Variants in FOCAD observed in about 807,000 individuals in gnomAD.
FOCAD encodes KIAA1797.
FOCAD carries 198 observed loss-of-function variants against 225.6 expected under a neutral mutation model. That is an observed-to-expected ratio of 0.88 (90% CI 0.78 to 0.99). FOCAD has a LOEUF of 0.99. FOCAD is among the 50% of genes least tolerant of loss of function. The pLI is 0.00. For missense variants in FOCAD, 2,713 were observed against 2,123.6 expected (o/e 1.28, Z -5.46); for synonymous variants, 897 against 755.0 (o/e 1.19, Z -3.08).
intron 2 of FOCAD, among the ~76,000 whole-genome samples, chr9:20,716,679 A>T (rs1825362558): frequency 6.6e-6 from 1 of 152,044 alleles, no homozygotes; most frequent in South Asian, 2.1e-4. Context: ...TTCTGTAACC[A>T]CTGCTCGATG....
At chr9:20,924,671 C>G (rs1834775170) in intron 25 of FOCAD, among the ~76,000 whole-genome samples, 1 of 151,376 alleles carries the variant, frequency 6.6e-6, no homozygotes, top group African/African-American at 2.4e-5. Context: ...TGGTGGTACA[C>G]TAAAAAAATC....
chr9:20,894,996 T>G (rs1327375388), intron 21 of FOCAD, among the ~76,000 whole-genome samples: 1 of 152,060 alleles, frequency 6.6e-6, no homozygotes, highest in Non-Finnish European at 1.5e-5. Flanking sequence ...GAGTTAATTT[T>G]TATGAAGAGT....
chr9:20,815,958 A>G (rs938371404), intron 11 of FOCAD, among the ~76,000 whole-genome samples: 1 of 152,156 alleles, frequency 6.6e-6, no homozygotes, highest in African/African-American at 2.4e-5. Flanking sequence ...TCCTAGTGAA[A>G]CAGTCCCTGT....
At chr9:20,655,690 G>A (rs9886894), upstream of FOCAD, among the ~76,000 whole-genome samples, 31,003 of 151,986 alleles carry the variant, frequency 0.2, 3,402 homozygotes, top group Non-Finnish European at 0.24. Flanking sequence ...AGTCTTGCTA[G>A]CGGTCTATCA....
chr9:20,807,778 G>A (rs1043181059), intron 11 of FOCAD, among the ~76,000 whole-genome samples: 1 of 152,134 alleles, frequency 6.6e-6, no homozygotes, highest in African/African-American at 2.4e-5. Flanking sequence ...GGCTGGGTGT[G>A]GTGGTTCACG....
chr9:20,905,649 G>GA, intron 21 of FOCAD, among the ~76,000 whole-genome samples: 1 of 152,102 alleles, frequency 6.6e-6, no homozygotes, highest in East Asian at 1.9e-4. Flanking sequence ...GAACTGATAG[G>GA]AAAAAAGTTG....
intron 35 of FOCAD, among the ~76,000 whole-genome samples, chr9:20,959,005 A>C (rs537665401): frequency 1.6e-4 from 24 of 152,284 alleles, no homozygotes; most frequent in African/African-American, 5.8e-4. Flanking sequence ...AACATGGGGT[A>C]CAGATGTCTC....
At position 20,748,610 on chromosome 9, in the gene FOCAD, G is replaced by A. The variant is rs1004691667; in HGVS notation, c.392+8270G>A. Among the ~76,000 whole-genome samples the A allele has an allele frequency of 3.9e-5, 6 of 152,140 alleles. No individual in the cohort carries two copies. In the East Asian group the frequency reaches 7.7e-4, roughly 20 times the overall value. On this transcript the variant is annotated intron_variant, in intron 5 of 43. Transcript: ENST00000338382. Reference sequence around the variant, plus strand: ...TTCACTCCTGAAAAAGCCCAATGGAGTTAAGGATAAAGAGGAAGGTAGGGC... The same window carrying A: ...TTCACTCCTGAAAAAGCCCAATGGAATTAAGGATAAAGAGGAAGGTAGGGC...
At chr9:20,749,401 A>G (rs1325167586) in intron 5 of FOCAD, among the ~76,000 whole-genome samples, 2 of 152,168 alleles carry the variant, frequency 1.3e-5, no homozygotes, top group Admixed American at 6.6e-5. Context: ...GTTGTAGGAT[A>G]TATAGAAATT....
chr9:20,807,916 T>C (rs1822635690), intron 11 of FOCAD, among the ~76,000 whole-genome samples: 1 of 151,976 alleles, frequency 6.6e-6, no homozygotes, highest in Admixed American at 6.6e-5. Context: ...CTAGGCATGG[T>C]GGTGCACACC....
At chr9:20,890,523 A>G (rs1372315339) in intron 21 of FOCAD, among the ~76,000 whole-genome samples, 2 of 152,020 alleles carry the variant, frequency 1.3e-5, no homozygotes, top group Non-Finnish European at 2.9e-5. Context: ...TTCCTGGGAT[A>G]CACTCCGCTT....
chr9:20,842,730 A>G (rs1330940081), intron 15 of FOCAD, among the ~76,000 whole-genome samples: 2 of 152,106 alleles, frequency 1.3e-5, no homozygotes, highest in South Asian at 2.1e-4. Flanking sequence ...GTGATTATTG[A>G]TAAGTAAGGG....
At chr9:20,705,217 A>G (rs1007592848) in intron 1 of FOCAD, among the ~76,000 whole-genome samples, 31 of 152,226 alleles carry the variant, frequency 2.0e-4, no homozygotes, top group African/African-American at 7.5e-4. Context: ...AATTTCAAAC[A>G]TAAAAATAGA....
chr9:20,820,550 G>A, intron 13 of FOCAD, 125 bp downstream of exon 13: 2 of 724,866 alleles, frequency 2.8e-6, no homozygotes, highest in African/African-American at 1.8e-5. Context: ...TGATTGCATT[G>A]AAAAAGTTTT....
In FOCAD at chr9:20,912,919, G is replaced by A. The variant is rs1418474065; in HGVS notation, c.2772G>A (p.Glu924=). The A allele has an allele frequency of 6.2e-7, 1 of 1,613,226 alleles. No individual in the cohort carries two copies. The highest frequency in any genetic ancestry group is 8.5e-7 in the Non-Finnish European group (1 of 1,179,562). The change falls in exon 23 of 44, where the codon GAG becomes GAA. Residue 924 remains glutamate, a synonymous_variant. Coordinates refer to ENST00000338382, the MANE Select transcript of FOCAD (RefSeq NM_001375567.1). ...LQLKHGKEEP[E]EVQYKKSTAW... ...TAAAACATGGAAAAGAAGAACCTGA[G>A]GAGGTGCAGTACAAAAAAAGCACAG...
chr9:20,724,857 C>G (rs1208657523), intron 4 of FOCAD, among the ~76,000 whole-genome samples: 1 of 152,154 alleles, frequency 6.6e-6, no homozygotes, highest in African/African-American at 2.4e-5. Flanking sequence ...AGAAAACCAT[C>G]TGTGTCTTTG....
intron 11 of FOCAD, among the ~76,000 whole-genome samples, chr9:20,805,775 A>C (rs1195246127): frequency 6.6e-6 from 1 of 152,166 alleles, no homozygotes; most frequent in Non-Finnish European, 1.5e-5. Flanking sequence ...GGAATAGGGG[A>C]AAGGGGATAC....
At chr9:20,915,104 G>A (rs939436754) in intron 23 of FOCAD, among the ~76,000 whole-genome samples, 1 of 152,114 alleles carries the variant, frequency 6.6e-6, no homozygotes, top group African/African-American at 2.4e-5. Flanking sequence ...TCAGATTTTG[G>A]ACTTAGGCCT....
intron 34 of FOCAD, among the ~76,000 whole-genome samples, chr9:20,952,694 GT>G (rs555966438): frequency 2.0e-4 from 30 of 146,994 alleles, no homozygotes; most frequent in Admixed American, 4.8e-4. Context: ...TGTGGAAAGG[GT>G]TTTTTTTTTT....
Sources: gnomAD v4.1 joint callset for allele counts (sites outside exome capture counted in the v4.1 genomes callset) on GRCh38, gnomAD v4.1.1 for gene constraint, MANE v1.5 for transcripts, NCBI Gene and HGNC (gene_info 2026-07-23, HGNC 2026-07-21) for gene names.